The following MAST4 variants were observed in gnomAD, a reference collection of about 807,000 sequenced individuals.
The protein encoded by MAST4 is microtubule-associated serine/threonine-protein kinase 4.
MAST4 carries 89 observed loss-of-function variants against 162.7 expected under a neutral mutation model. The ratio of observed to expected loss-of-function variants is 0.55; its 90% CI spans 0.46 to 0.65. The LOEUF (loss-of-function observed/expected upper bound fraction) is 0.65. Among genes scored for constraint, MAST4 ranks in the 30% least tolerant of loss-of-function variants. The pLI, the probability that MAST4 is intolerant of heterozygous loss-of-function variation, is 0.00. For synonymous variants in MAST4, 1,479 were observed against 1,361.1 expected, an observed-to-expected ratio of 1.09 and a Z score of -1.91; for missense variants, 3,153 against 3,374.0, an observed-to-expected ratio of 0.93 and a Z score of 1.62.
At chr5:66,626,050 CTT>C (rs1318217948) in intron 1 of MAST4, among the ~76,000 whole-genome samples, 1 of 152,084 alleles carries the variant, frequency 6.6e-6, no homozygotes, top group Non-Finnish European at 1.5e-5. Context: ...CATGATATAA[CTT>C]AACATAGAAT....
chr5:66,748,424 C>CCCTCCCTCT (rs1160264257), intron 1 of MAST4, among the ~76,000 whole-genome samples: 1 of 128,336 alleles, frequency 7.8e-6, no homozygotes, highest in Non-Finnish European at 1.7e-5. Flanking sequence ...TCCCTTCCTT[C>CCCTCCCTCT]CTCCCTCCCT....
chr5:66,797,539 T>C (rs1263587594), intron 3 of MAST4, among the ~76,000 whole-genome samples: 1 of 152,212 alleles, frequency 6.6e-6, no homozygotes, highest in Non-Finnish European at 1.5e-5. Context: ...ATGGATTCCC[T>C]CTTATTTGAC....
intron 4 of MAST4, among the ~76,000 whole-genome samples, chr5:67,006,473 C>T (rs1752047812): frequency 6.6e-6 from 1 of 152,176 alleles, no homozygotes; most frequent in Non-Finnish European, 1.5e-5. Flanking sequence ...TGAACTAGGC[C>T]ACTGCTCAAC....
rs201364998 is a variant in MAST4 at position 67,076,425 on chromosome 5, T to G, written c.764-13737T>G. On this transcript the variant is annotated intron_variant, in intron 5 of 28. Coordinates refer to ENST00000403625, the MANE Select transcript of MAST4 (RefSeq NM_001164664.2). ...TTTACTAATAGTCTCTCCATCTGAT[T>G]GTGTCCTACCAGCACCTCAAATCCA... 1.2e-3 allele frequency among the ~76,000 whole-genome samples: 187 copies of G among 152,354 alleles called. 2 individuals carry two copies. The highest frequency in any genetic ancestry group is 9.9e-3 in the Admixed American group (151 of 15,300).
intron 1 of MAST4, among the ~76,000 whole-genome samples, chr5:66,632,694 A>G (rs1744864620): frequency 1.3e-5 from 2 of 152,182 alleles, no homozygotes; most frequent in Admixed American, 6.5e-5. Flanking sequence ...TGGCTGATGT[A>G]GATACTTGGT....
intron 2 of MAST4, among the ~76,000 whole-genome samples, chr5:66,764,494 G>T (rs1753996022): frequency 1.3e-5 from 2 of 152,086 alleles, no homozygotes; most frequent in South Asian, 4.2e-4. Flanking sequence ...GTCAGTGATG[G>T]GCCATATATA....
At chr5:67,140,528 G>A (rs1236335914) in intron 19 of MAST4, among the ~76,000 whole-genome samples, 1 of 152,202 alleles carries the variant, frequency 6.6e-6, no homozygotes, top group Non-Finnish European at 1.5e-5. Flanking sequence ...GAGAGGTGGT[G>A]GAGTAGGAAC....
chr5:66,678,561 C>A (rs1485936141), intron 1 of MAST4, among the ~76,000 whole-genome samples: 2 of 151,190 alleles, frequency 1.3e-5, no homozygotes, highest in African/African-American at 4.9e-5. Context: ...GTGACACGAT[C>A]TCGGCTCACT....
intron 5 of MAST4, among the ~76,000 whole-genome samples, chr5:67,087,958 G>A (rs1167721210): frequency 1.3e-5 from 2 of 152,124 alleles, no homozygotes; most frequent in African/African-American, 4.8e-5. Flanking sequence ...AGATGCGAAG[G>A]CAAAATCTGA....
At chr5:67,061,138 T>G (rs1759527434) in intron 5 of MAST4, among the ~76,000 whole-genome samples, 1 of 148,000 alleles carries the variant, frequency 6.8e-6, no homozygotes, top group Non-Finnish European at 1.5e-5. Flanking sequence ...TATTCTTCAG[T>G]CTTTTTTCCT....
In MAST4 at chr5:66,602,290, A is replaced by G. The variant is rs565667338; in HGVS notation, c.363+5272A>G. On this transcript the variant is annotated intron_variant, in intron 1 of 28. Transcript: ENST00000403625. ...GAGGTTGTGCCTCTCTGTTGACAGG[A>G]AGTGTGGTGTTTGGGTACTAACACG... is the stretch of plus-strand genomic sequence containing the variant. Among the ~76,000 whole-genome samples the G allele has an allele frequency of 8.2e-4, 125 of 152,202 alleles. No homozygotes were observed. In the Middle Eastern group the frequency reaches 0.01, roughly 12 times the overall value.
At chr5:66,972,770 A>G (rs1747603224) in intron 4 of MAST4, among the ~76,000 whole-genome samples, 3 of 152,152 alleles carry the variant, frequency 2.0e-5, no homozygotes, top group Admixed American at 2.0e-4. Context: ...GTGGGGTGTG[A>G]GCTGCTCCTG....
chr5:67,153,670 C>A, intron 26 of MAST4, 90 bp downstream of exon 26: 1 of 1,222,206 alleles, frequency 8.2e-7, no homozygotes, highest in Non-Finnish European at 1.1e-6. Flanking sequence ...GTGTCACACC[C>A]ATGTCTGATT....
At chr5:66,766,079 G>A (rs1418881883) in intron 2 of MAST4, among the ~76,000 whole-genome samples, 1 of 152,178 alleles carries the variant, frequency 6.6e-6, no homozygotes, top group African/African-American at 2.4e-5. Flanking sequence ...TCTGGGTATT[G>A]TTGGTAATAT....
At chr5:67,049,080 C>CGTGTATATATAT (rs1757854748) in intron 4 of MAST4, among the ~76,000 whole-genome samples, 1 of 82,910 alleles carries the variant, frequency 1.2e-5, no homozygotes. Flanking sequence ...TATATATATA[C>CGTGTATATATAT]ACTACCATAC....
At chr5:66,968,909 A>G (rs1269792496) in intron 4 of MAST4, among the ~76,000 whole-genome samples, 1 of 152,052 alleles carries the variant, frequency 6.6e-6, no homozygotes, top group African/African-American at 2.4e-5. Context: ...TACAGAAGTC[A>G]TGGCAGATTA....
intron 2 of MAST4, among the ~76,000 whole-genome samples, chr5:66,777,289 T>C (rs1170209945): frequency 1.3e-5 from 2 of 152,218 alleles, no homozygotes; most frequent in African/African-American, 4.8e-5. Flanking sequence ...AGGAGGACTG[T>C]TGCCAGGAGG....
At chr5:67,061,760 A>G (rs533556765) in intron 5 of MAST4, among the ~76,000 whole-genome samples, 64 of 149,574 alleles carry the variant, frequency 4.3e-4, no homozygotes, top group African/African-American at 1.5e-3. Context: ...TTACCTTTTC[A>G]TACTCTTAGT....
At chr5:67,030,107 T>C (rs893331804) in intron 4 of MAST4, among the ~76,000 whole-genome samples, 10 of 152,156 alleles carry the variant, frequency 6.6e-5, no homozygotes, top group Non-Finnish European at 1.2e-4. Context: ...TAGGAAATTG[T>C]AAAACCAAAT....
Sources: allele counts gnomAD v4.1 joint callset (sites outside exome capture counted in the v4.1 genomes callset), GRCh38; gene constraint gnomAD v4.1.1; transcripts MANE v1.5; gene names NCBI Gene and HGNC (gene_info 2026-07-23, HGNC 2026-07-21).